KCNN2: variants seen among roughly 807,000 people sequenced by gnomAD.
The protein encoded by KCNN2 is small conductance calcium-activated potassium channel protein 2.
In KCNN2, 24 loss-of-function variants were observed where a neutral mutation model predicts 55.5. The ratio of observed to expected loss-of-function variants is 0.43; its 90% CI spans 0.31 to 0.61. The LOEUF is 0.61. Among genes scored for constraint, KCNN2 ranks in the 20% least tolerant of loss-of-function variants. KCNN2 has a pLI of 0.08. For synonymous variants in KCNN2, 431 were observed against 336.1 expected (o/e 1.28, Z -3.09); for missense variants, 754 against 853.6 (o/e 0.88, Z 1.45).
chr5:114,252,783 G>A (rs1326431069), intron 2 of KCNN2, among the ~76,000 whole-genome samples: 1 of 29,764 alleles, frequency 3.4e-5, no homozygotes, highest in Non-Finnish European at 6.5e-5. Context: ...ATGTGTGTGT[G>A]TGTGTGAGAG....
intron 1 of KCNN2, among the ~76,000 whole-genome samples, chr5:114,106,729 A>G (rs573621600): frequency 1.4e-5 from 2 of 147,940 alleles, no homozygotes; most frequent in East Asian, 4.0e-4. Context: ...TTTAAAAATT[A>G]GATTGTCTGC....
At chr5:114,403,859 A>G (rs1758860329) in intron 2 of KCNN2, among the ~76,000 whole-genome samples, 1 of 152,220 alleles carries the variant, frequency 6.6e-6, no homozygotes, top group African/African-American at 2.4e-5. Context: ...GGACGAATAG[A>G]AGAAAAGAGA....
At chr5:114,055,980 C>T (rs1221305968), upstream of KCNN2, 1 of 186,088 alleles carries the variant, frequency 5.4e-6, no homozygotes, top group Non-Finnish European at 1.1e-5. Flanking sequence ...CCCTCGGTAG[C>T]CTCAAGGTCG....
At chr5:114,078,563 C>G (rs986000946) in intron 1 of KCNN2, among the ~76,000 whole-genome samples, 1 of 152,140 alleles carries the variant, frequency 6.6e-6, no homozygotes, top group Non-Finnish European at 1.5e-5. Flanking sequence ...TTCTCTGAAA[C>G]TGGAGCAGAA....
At chr5:114,331,949 A>T (rs552877369) in intron 2 of KCNN2, among the ~76,000 whole-genome samples, 1 of 152,284 alleles carries the variant, frequency 6.6e-6, no homozygotes, top group East Asian at 1.9e-4. Context: ...CCTTCCCTTA[A>T]GATGTGGAGA....
chr5:114,474,084 G>A (rs777694567), intron 5 of KCNN2, among the ~76,000 whole-genome samples: 1 of 151,992 alleles, frequency 6.6e-6, no homozygotes, highest in Non-Finnish European at 1.5e-5. Flanking sequence ...TTGTCAACTT[G>A]GTAACTTTAC....
At chr5:114,149,089 A>T (rs1406823014) in intron 1 of KCNN2, among the ~76,000 whole-genome samples, 1 of 152,144 alleles carries the variant, frequency 6.6e-6, no homozygotes, top group Non-Finnish European at 1.5e-5. Context: ...AATAGTCTGA[A>T]ATAAGAGAAT....
chr5:114,128,307 G>A (rs1243594960), intron 1 of KCNN2, among the ~76,000 whole-genome samples: 3 of 152,138 alleles, frequency 2.0e-5, no homozygotes, highest in African/African-American at 4.8e-5. Context: ...GAAAGGGGAA[G>A]TAAATATGGC....
intron 2 of KCNN2, among the ~76,000 whole-genome samples, chr5:114,385,692 T>C (rs776822805): frequency 2.6e-5 from 4 of 152,140 alleles, no homozygotes; most frequent in Non-Finnish European, 4.4e-5. Context: ...CTCCCTCTTC[T>C]GGCAAGCTTT....
chr5:114,188,422 T>G (rs1473265960), intron 1 of KCNN2, among the ~76,000 whole-genome samples: 1 of 152,160 alleles, frequency 6.6e-6, no homozygotes, highest in East Asian at 1.9e-4. Context: ...CTCAAAAAGC[T>G]AGGGCATTGA....
intron 1 of KCNN2, among the ~76,000 whole-genome samples, chr5:114,210,543 A>C (rs932974185): frequency 1.3e-5 from 2 of 152,192 alleles, no homozygotes; most frequent in Non-Finnish European, 2.9e-5. Flanking sequence ...TGACATAAGT[A>C]ATAATCACAG....
chr5:114,058,228 C>T (rs1396921240), intron 1 of KCNN2, among the ~76,000 whole-genome samples: 1 of 151,748 alleles, frequency 6.6e-6, no homozygotes, highest in Non-Finnish European at 1.5e-5. Context: ...AAATAAAAAC[C>T]CAACTAGGTA....
chr5:114,187,578 T>C (rs1753361785), intron 1 of KCNN2, among the ~76,000 whole-genome samples: 2 of 145,514 alleles, frequency 1.4e-5, no homozygotes. Flanking sequence ...CAATCTCAGC[T>C]CACTGCAAGC....
At chr5:114,160,927 C>T (rs574693899) in intron 1 of KCNN2, among the ~76,000 whole-genome samples, 113 of 152,240 alleles carry the variant, frequency 7.4e-4, no homozygotes, top group African/African-American at 2.6e-3. Context: ...TTCCTGAATA[C>T]AGCACACTGA....
intron 2 of KCNN2, among the ~76,000 whole-genome samples, chr5:114,345,239 T>C (rs1757085453): frequency 2.0e-5 from 3 of 152,056 alleles, no homozygotes; most frequent in Non-Finnish European, 4.4e-5. Context: ...CTACTCTTTG[T>C]GGAAAAAAAA....
chr5:114,354,867 T>C (rs1757270468), intron 2 of KCNN2, among the ~76,000 whole-genome samples: 1 of 152,186 alleles, frequency 6.6e-6, no homozygotes, highest in South Asian at 2.1e-4. Context: ...ACCTAATTAT[T>C]GTACATTAAT....
intron 1 of KCNN2, among the ~76,000 whole-genome samples, chr5:114,187,757 CG>C (rs1294935691): frequency 3.3e-5 from 5 of 151,694 alleles, no homozygotes; most frequent in Non-Finnish European, 7.4e-5. Context: ...CCACCCGCCT[CG>C]GCCTCCCAAA....
intron 1 of KCNN2, among the ~76,000 whole-genome samples, chr5:114,200,355 T>C (rs1012514928): frequency 1.3e-5 from 2 of 148,930 alleles, no homozygotes; most frequent in Non-Finnish European, 3.0e-5. Context: ...GAATTTCTGC[T>C]TTTTTTTTTC....
intron 1 of KCNN2, among the ~76,000 whole-genome samples, chr5:114,070,921 T>C (rs991696397): frequency 6.6e-6 from 1 of 152,216 alleles, no homozygotes; most frequent in Non-Finnish European, 1.5e-5. Context: ...AGTCATTCAC[T>C]TACTTCTTCA....
Sources: allele counts gnomAD v4.1 joint callset (sites outside exome capture counted in the v4.1 genomes callset), GRCh38; gene constraint gnomAD v4.1.1; transcripts MANE v1.5; gene names NCBI Gene and HGNC (gene_info 2026-07-23, HGNC 2026-07-21).